The following PPFIBP2 variants were observed in gnomAD, a reference collection of about 807,000 sequenced individuals.
The protein encoded by PPFIBP2 is PPFIB scaffold protein 2.
In PPFIBP2, 118 loss-of-function variants were observed where a neutral mutation model predicts 118.3. That is an observed-to-expected ratio of 1.00 (90% CI 0.86 to 1.16). PPFIBP2 has a LOEUF of 1.16. Ranked by LOEUF, PPFIBP2 falls within the 50% of genes most tolerant of loss-of-function variation. The pLI is 0.00. For synonymous variants in PPFIBP2, 414 were observed against 397.4 expected (o/e 1.04, Z -0.50); for missense variants, 1,195 against 1,073.1 (o/e 1.11, Z -1.59).
intron 6 of PPFIBP2, among the ~76,000 whole-genome samples, chr11:7,619,804 T>C (rs1308960448): frequency 6.6e-6 from 1 of 152,216 alleles, no homozygotes; most frequent in Non-Finnish European, 1.5e-5. Flanking sequence ...ATATGGCATT[T>C]AGTGAGATGA....
At chr11:7,639,584 A>G (rs1194850259) in intron 14 of PPFIBP2, 148 bp from the exon 15 acceptor site, 6 of 997,488 alleles carry the variant, frequency 6.0e-6, no homozygotes, top group Non-Finnish European at 9.2e-6. Context: ...CCTTTCTCGG[A>G]CTAGCTAAAT....
chr11:7,528,511 C>G (rs1850413527), intron 1 of PPFIBP2, among the ~76,000 whole-genome samples: 1 of 152,142 alleles, frequency 6.6e-6, no homozygotes, highest in South Asian at 2.1e-4. Context: ...TAACAAGTTA[C>G]CTACAACCAA....
downstream of PPFIBP2, among the ~76,000 whole-genome samples, chr11:7,654,278 C>T (rs1854480541): frequency 6.6e-6 from 1 of 152,194 alleles, no homozygotes; most frequent in African/African-American, 2.4e-5. Context: ...GATAATGGCT[C>T]CTCCAGATGG....
chr11:7,581,185 G>A (rs996492510), intron 3 of PPFIBP2, among the ~76,000 whole-genome samples: 2 of 152,144 alleles, frequency 1.3e-5, no homozygotes, highest in African/African-American at 4.8e-5. Context: ...GTATCCAGAG[G>A]GACTCAGTCA....
chr11:7,542,008 C>T (rs188390640), intron 1 of PPFIBP2, among the ~76,000 whole-genome samples: 60 of 152,148 alleles, frequency 3.9e-4, no homozygotes, highest in Non-Finnish European at 6.9e-4. Context: ...CATCTCTTGC[C>T]GGGTTTCCTG....
chr11:7,554,805 A>ACTGGACTGGACTGGACTG lies in PPFIBP2; in HGVS notation c.64+5266_64+5267insCTGGACTGGACTGGACTG, dbSNP rs775146154. ...CCAGGTGACTAGACTAGACTAGACT[A>ACTGGACTGGACTGGACTG]GACTAGACTAGATTGGGTCTATACT... On this transcript the variant is annotated intron_variant, in intron 2 of 23. Coordinates refer to ENST00000299492, the MANE Select transcript of PPFIBP2 (RefSeq NM_003621.5). Among the ~76,000 whole-genome samples the ACTGGACTGGACTGGACTG allele has an allele frequency of 8.9e-3, 1,350 of 151,866 alleles. 15 individuals are homozygous for ACTGGACTGGACTGGACTG. Among genetic ancestry groups the ACTGGACTGGACTGGACTG allele is most frequent in the Middle Eastern group, 0.01 (3 of 294 alleles).
chr11:7,537,571 A>G (rs1254833415), intron 1 of PPFIBP2, among the ~76,000 whole-genome samples: 1 of 152,166 alleles, frequency 6.6e-6, no homozygotes, highest in African/African-American at 2.4e-5. Flanking sequence ...ATAGACTCTC[A>G]TTTACGTTTA....
intron 5 of PPFIBP2, among the ~76,000 whole-genome samples, chr11:7,604,482 C>A (rs1847089466): frequency 6.6e-6 from 1 of 150,772 alleles, no homozygotes; most frequent in African/African-American, 2.4e-5. Context: ...ACACACACCC[C>A]CCCATACCTA....
rs371181968 is a variant in PPFIBP2, at chr11:7,651,747, A to G, written c.2339A>G (p.Lys780Arg). The G allele has an allele frequency of 9.9e-6, 16 of 1,614,092 alleles. No individual in the cohort carries two copies. The highest frequency in any genetic ancestry group is 1.3e-5 in the Non-Finnish European group (15 of 1,179,954). Residue 780 changes from lysine (K) to arginine (R), a missense_variant, in exon 23 of 24, where the codon AAG becomes AGG. Physicochemically the swap from Lys to Arg is conservative, Grantham distance 26 (BLOSUM62 2). Coordinates refer to ENST00000299492, the MANE Select transcript of PPFIBP2 (RefSeq NM_003621.5). The stretch of plus-strand genomic sequence containing the variant: ...CTCCTCAGGCGCCACCTGACCACCA[A>G]GTTCAATGCCTTGATTGGTCCGGAG... Reference protein sequence around the residue: ...KTLLRRHLTTKFNALIGPEAE... With the variant: ...KTLLRRHLTTRFNALIGPEAE...
Position 7,610,417 on chromosome 11 carries a change from G to GC in PPFIBP2, c.614dup (p.Glu206ArgfsTer20). 6.2e-7 allele frequency: 1 copy of GC among 1,613,570 alleles called. No individual in the cohort carries two copies. Among genetic ancestry groups the GC allele is most frequent in the South Asian group, 1.1e-5 (1 of 91,078 alleles). On this transcript the variant is annotated frameshift_variant, in exon 6 of 24. Coordinates refer to ENST00000299492, the MANE Select transcript of PPFIBP2 (RefSeq NM_003621.5). LOFTEE classifies it high-confidence loss of function. Reference sequence around the variant, plus strand: ...AGAGCAGGAGGAGAAGCAGAGAAAAGCAGAGGTAAGGGTGAGTGTGTACTG... The same window carrying GC: ...AGAGCAGGAGGAGAAGCAGAGAAAAGCCAGAGGTAAGGGTGAGTGTGTACTG...
At chr11:7,617,157 C>T in intron 6 of PPFIBP2, 1 of 984,964 alleles carries the variant, frequency 1.0e-6, no homozygotes, top group Non-Finnish European at 1.2e-6. Flanking sequence ...GATGTGTAGG[C>T]TGCAGCTGGA....
rs1851173645 is a variant in PPFIBP2, at chr11:7,634,357, AT to A, written c.1137-136del. The A allele has an allele frequency of 1.6e-5, 11 of 678,990 alleles. No homozygotes were observed. In the South Asian group the frequency reaches 1.8e-4, roughly 11 times the overall value. The allele number at this position is 678,990 out of a possible 1,614,324, so 42.1% of individuals were successfully genotyped here. ...CAGTCTCATTTTGTATGTAAAGGCT[AT>A]TATGAGAGGGTATTTTTTTTTCTTG... On this transcript the variant is annotated intron_variant, in intron 12 of 23. Coordinates refer to ENST00000299492, the MANE Select transcript of PPFIBP2 (RefSeq NM_003621.5).
chr11:7,582,207 T>C (rs1307522658), intron 3 of PPFIBP2, among the ~76,000 whole-genome samples: 1 of 152,114 alleles, frequency 6.6e-6, no homozygotes, highest in Non-Finnish European at 1.5e-5. Context: ...ATGACATCGA[T>C]CAGAACTGAC....
intron 3 of PPFIBP2, among the ~76,000 whole-genome samples, chr11:7,590,571 C>T (rs1422637373): frequency 6.6e-6 from 1 of 152,218 alleles, no homozygotes; most frequent in East Asian, 1.9e-4. Context: ...GGTCCTCTAA[C>T]AGTGCTTCTA....
chr11:7,578,012 T>C (rs1315668423), intron 3 of PPFIBP2, among the ~76,000 whole-genome samples: 2 of 152,212 alleles, frequency 1.3e-5, no homozygotes, highest in African/African-American at 4.8e-5. Flanking sequence ...TTTAAATGCA[T>C]TGGATTCGGA....
chr11:7,638,767 G>C (rs753901802), intron 14 of PPFIBP2, among the ~76,000 whole-genome samples: 9 of 152,096 alleles, frequency 5.9e-5, no homozygotes, highest in African/African-American at 2.2e-4. Context: ...TTTCTCTCAG[G>C]TTTGCAGATT....
At position 7,565,732 on chromosome 11, in the gene PPFIBP2, G is replaced by C. The variant is rs770204315; in HGVS notation, c.244G>C (p.Ala82Pro). ...ALLSQIPGPT[A>P]AYIKEWFEES... ...CCTGAGCCAGATCCCTGGCCCAACA[G>C]CTGCCTACATAAAGGAATGGTTTGA... Residue 82 changes from alanine to proline, a missense_variant, in exon 3 of 24, where the codon GCT (alanine) becomes CCT (proline). Physicochemically the swap from Ala to Pro is conservative, Grantham distance 27 (BLOSUM62 -1). Transcript: ENST00000299492. 5.6e-6 allele frequency: 9 copies of C among 1,614,182 alleles called. No homozygotes were observed. The highest frequency in any genetic ancestry group is 1.3e-5 in the African/African-American group (1 of 75,044).
chr11:7,656,409 A>G (rs1854692375), downstream of PPFIBP2, among the ~76,000 whole-genome samples: 1 of 152,224 alleles, frequency 6.6e-6, no homozygotes. Flanking sequence ...CCCTGACTCC[A>G]AACAGGATCA....
chr11:7,628,239 G>A, intron 8 of PPFIBP2, 46 bp from the exon 9 acceptor site: 1 of 1,528,170 alleles, frequency 6.5e-7, no homozygotes, highest in Non-Finnish European at 9.0e-7. Context: ...GCGGATAGCT[G>A]TCTGTATTTA....
Sources: allele counts gnomAD v4.1 joint callset (sites outside exome capture counted in the v4.1 genomes callset), GRCh38; gene constraint gnomAD v4.1.1; transcripts MANE v1.5; gene names NCBI Gene and HGNC (gene_info 2026-07-23, HGNC 2026-07-21).